NTN1: variants seen among roughly 807,000 people sequenced by gnomAD.
The protein encoded by NTN1 is netrin-1.
Under a neutral mutation model 54.2 loss-of-function variants are expected in NTN1, and 11 were observed. That is an observed-to-expected ratio of 0.20 (90% CI 0.13 to 0.34). The LOEUF (loss-of-function observed/expected upper bound fraction) is 0.34. Among genes scored for constraint, NTN1 ranks in the 10% least tolerant of loss-of-function variants. NTN1 has a pLI of 1.00. For missense variants in NTN1, 740 were observed against 893.1 expected, an observed-to-expected ratio of 0.83 and a Z score of 2.18; for synonymous variants, 371 against 382.0, an observed-to-expected ratio of 0.97 and a Z score of 0.33.
chr17:9,138,240 C>T (rs1243117105), intron 2 of NTN1, among the ~76,000 whole-genome samples: 1 of 152,174 alleles, frequency 6.6e-6, no homozygotes, highest in Non-Finnish European at 1.5e-5. Context: ...CCAAATTGCT[C>T]ATTATTTCAT....
At chr17:9,155,065 C>T (rs907576865) in intron 2 of NTN1, among the ~76,000 whole-genome samples, 4 of 152,176 alleles carry the variant, frequency 2.6e-5, no homozygotes, top group African/African-American at 4.8e-5. Flanking sequence ...GTCTGTGCTC[C>T]GACTCTCTTC....
At chr17:9,191,301 A>C (rs995525077) in intron 5 of NTN1, among the ~76,000 whole-genome samples, 5 of 152,162 alleles carry the variant, frequency 3.3e-5, no homozygotes, top group African/African-American at 1.2e-4. Context: ...TCACTACTAA[A>C]AATACAAAAT....
Position 9,094,951 on chromosome 17 carries a change from T to G in NTN1, c.1019-67862T>G, listed in dbSNP as rs1249182794. Among the ~76,000 whole-genome samples the G allele has an allele frequency of 2.2e-5, 3 of 133,622 alleles. No individual in the cohort carries two copies. The East Asian group carries it at 6.7e-4, about 30-fold the overall frequency. 87.7% of individuals were successfully genotyped at this position (133,622 alleles called of 152,430 possible). ...TTGCAGTGAGCTGAGATCATGCCAC[T>G]GCACTTCAGCCTGCGCAACAGAGCG... On this transcript the variant is annotated intron_variant, in intron 2 of 6. Transcript: ENST00000173229.
At chr17:9,016,312 C>T in the NTN1 span, among the ~76,000 whole-genome samples, 2 of 152,020 alleles carry the variant, frequency 1.3e-5, no homozygotes, top group East Asian at 1.9e-4. Flanking sequence ...GTGGCCGTCT[C>T]GTCTCTAATC....
intron 2 of NTN1, among the ~76,000 whole-genome samples, chr17:9,160,497 AAGT>A (rs2092354256): frequency 6.6e-6 from 1 of 152,234 alleles, no homozygotes; most frequent in Admixed American, 6.5e-5. Flanking sequence ...AGATGTATAA[AAGT>A]ATGATCCGTG....
At chr17:9,151,097 C>G (rs1486381016) in intron 2 of NTN1, among the ~76,000 whole-genome samples, 1 of 152,146 alleles carries the variant, frequency 6.6e-6, no homozygotes, top group Non-Finnish European at 1.5e-5. Context: ...ACTCACCAGA[C>G]TTAAGACTTA....
intron 2 of NTN1, among the ~76,000 whole-genome samples, chr17:9,039,585 T>C (rs1295287629): frequency 6.6e-6 from 1 of 152,220 alleles, no homozygotes; most frequent in Non-Finnish European, 1.5e-5. Context: ...TGTATACACC[T>C]GTGAAACCAT....
intron 5 of NTN1, among the ~76,000 whole-genome samples, chr17:9,199,723 G>C (rs571274843): frequency 6.6e-6 from 1 of 152,260 alleles, no homozygotes; most frequent in Non-Finnish European, 1.5e-5. Flanking sequence ...CAAGGGGGTC[G>C]CTGGGTAATG....
rs115522368 is a variant in NTN1, at chr17:9,204,146, G to A, written c.1412-17022G>A. ...ATTAAGAGAATGGGAATGGCAACAG[G>A]AGTGCAAGGATAGACCACCCTTAGT... On this transcript the variant is annotated intron_variant, in intron 5 of 6. Coordinates refer to ENST00000173229, the MANE Select transcript of NTN1 (RefSeq NM_004822.3). Among the ~76,000 whole-genome samples the A allele has an allele frequency of 7.6e-3, 1,145 of 149,854 alleles. 15 individuals are homozygous for A. The highest frequency in any genetic ancestry group is 0.028 in the African/African-American group (1,105 of 40,048).
At chr17:9,020,092 T>G (rs893514642), upstream of NTN1, among the ~76,000 whole-genome samples, 9 of 152,158 alleles carry the variant, frequency 5.9e-5, no homozygotes, top group African/African-American at 2.2e-4. Context: ...GGGAAGGCCT[T>G]CTTCCAAGGA....
intron 2 of NTN1, among the ~76,000 whole-genome samples, chr17:9,130,097 C>T (rs1287237177): frequency 6.6e-6 from 1 of 152,176 alleles, no homozygotes; most frequent in Non-Finnish European, 1.5e-5. Context: ...GCAGGGGAGT[C>T]TGGTGACACC....
Position 9,023,029 on chromosome 17 carries a change from C to A in NTN1, c.656C>A (p.Ala219Asp). 1 of 1,598,806 alleles carries A rather than the reference C, an allele frequency of 6.3e-7. No individual in the cohort carries two copies. Among genetic ancestry groups the A allele is most frequent in the Admixed American group, 1.7e-5 (1 of 58,184 alleles). ...CGCCCGCTCTCGGGCGGCCTCATCGCCTTCAGCACGCTGGACGGGCGGCCC... is the reference window on the plus strand; with the variant it reads ...CGCCCGCTCTCGGGCGGCCTCATCGACTTCAGCACGCTGGACGGGCGGCCC... ...DMRPLSGGLI[A>D]FSTLDGRPSA... Residue 219 changes from alanine to aspartate, a missense_variant, in exon 2 of 7, where the codon GCC becomes GAC. Coordinates refer to ENST00000173229, the MANE Select transcript of NTN1 (RefSeq NM_004822.3).
chr17:9,182,911 C>A lies in NTN1; in HGVS notation c.1358-5C>A, dbSNP rs2302196. 618,316 of 1,612,454 alleles carry A rather than the reference C, an allele frequency of 0.38. 122,267 individuals carry two copies. Among genetic ancestry groups the A allele is most frequent in the Middle Eastern group, 0.51 (3,085 of 6,058 alleles). ...CCCCTCGCCCCCGTCTTGAACCTCACAAAGAGATCCCTGTAGCGCCGCCGA... is the reference window on the plus strand; with the variant it reads ...CCCCTCGCCCCCGTCTTGAACCTCAAAAAGAGATCCCTGTAGCGCCGCCGA... On this transcript the variant is annotated splice_polypyrimidine_tract_variant and splice_region_variant and intron_variant, in intron 4 of 6. Coordinates refer to ENST00000173229, the MANE Select transcript of NTN1 (RefSeq NM_004822.3).
At chr17:9,005,957 C>T in the NTN1 span, among the ~76,000 whole-genome samples, 1 of 152,222 alleles carries the variant, frequency 6.6e-6, no homozygotes, top group East Asian at 1.9e-4. Context: ...AGAGGCCCCC[C>T]TTGGCAAGGC....
chr17:9,104,954 C>T (rs1353105027), intron 2 of NTN1, among the ~76,000 whole-genome samples: 1 of 152,204 alleles, frequency 6.6e-6, no homozygotes, highest in Non-Finnish European at 1.5e-5. Flanking sequence ...CAGGCCGAGG[C>T]CCCTGTGATG....
chr17:9,128,670 C>A lies in NTN1; in HGVS notation c.1019-34143C>A, dbSNP rs111901036. On this transcript the variant is annotated intron_variant, in intron 2 of 6. Transcript: ENST00000173229. ...TGTGAGAGGAAGACAACTCCAGGATCCTTGGTATACCGGGTCCCTGTGGTG... is the reference window on the plus strand; with the variant it reads ...TGTGAGAGGAAGACAACTCCAGGATACTTGGTATACCGGGTCCCTGTGGTG... 6.6e-5 allele frequency among the ~76,000 whole-genome samples: 10 copies of A among 152,246 alleles called. 2 individuals are homozygous for A. The highest frequency in any genetic ancestry group is 2.4e-4 in the African/African-American group (10 of 41,546).
Position 9,150,359 on chromosome 17 carries a change from T to C in NTN1, c.1019-12454T>C, listed in dbSNP as rs1487659100. Among the ~76,000 whole-genome samples the C allele has an allele frequency of 5.3e-5, 8 of 151,628 alleles. No individual in the cohort carries two copies. The East Asian group carries it at 1.4e-3, about 26-fold the overall frequency. On this transcript the variant is annotated intron_variant, in intron 2 of 6. Transcript: ENST00000173229. ...GGTTCCAGAACAGGGCAGTGACAAA[T>C]GAGAGGAATGTCTGAAGAGGGATTT...
chr17:9,152,712 C>T (rs2092331035), intron 2 of NTN1, among the ~76,000 whole-genome samples: 1 of 152,212 alleles, frequency 6.6e-6, no homozygotes, highest in South Asian at 2.1e-4. Flanking sequence ...GATCTGTCCC[C>T]TACCCTGCAG....
intron 5 of NTN1, among the ~76,000 whole-genome samples, chr17:9,196,355 C>G (rs1904634529): frequency 6.6e-6 from 1 of 152,222 alleles, no homozygotes; most frequent in South Asian, 2.1e-4. Flanking sequence ...CTCTTGTGGA[C>G]ATAGACCCTC....
Sources: gnomAD v4.1 joint callset for allele counts (sites outside exome capture counted in the v4.1 genomes callset) on GRCh38, gnomAD v4.1.1 for gene constraint, MANE v1.5 for transcripts, NCBI Gene and HGNC (gene_info 2026-07-23, HGNC 2026-07-21) for gene names.